Variants in FMN1 observed in about 807,000 individuals in gnomAD.
FMN1 encodes formin-1.
In FMN1, 110 loss-of-function variants were observed where a neutral mutation model predicts 132.4. The ratio of observed to expected loss-of-function variants is 0.83; its 90% CI spans 0.71 to 0.97. FMN1 has a LOEUF of 0.97. Among genes scored for constraint, FMN1 ranks in the 50% least tolerant of loss-of-function variants. The pLI, the probability that FMN1 is intolerant of heterozygous loss-of-function variation, is 0.00. For synonymous variants in FMN1, 722 were observed against 651.7 expected, an observed-to-expected ratio of 1.11 and a Z score of -1.64; for missense variants, 1,792 against 1,705.3, an observed-to-expected ratio of 1.05 and a Z score of -0.90.
At chr15:32,837,528 G>A (rs1024467284) in intron 17 of FMN1, among the ~76,000 whole-genome samples, 3 of 152,182 alleles carry the variant, frequency 2.0e-5, no homozygotes, top group Non-Finnish European at 4.4e-5. Context: ...CATGGACTGA[G>A]TCCTGAAGCC....
At chr15:32,913,902 C>G (rs1250105412) in intron 10 of FMN1, among the ~76,000 whole-genome samples, 1 of 152,090 alleles carries the variant, frequency 6.6e-6, no homozygotes, top group Non-Finnish European at 1.5e-5. Flanking sequence ...AGCTTCTTGA[C>G]AAAGAGAACA....
At chr15:33,112,135 G>T (rs147033989) in intron 4 of FMN1, among the ~76,000 whole-genome samples, 2 of 151,818 alleles carry the variant, frequency 1.3e-5, no homozygotes, top group African/African-American at 2.4e-5. Context: ...CATTTTTATT[G>T]GTTTCAACTT....
chr15:32,881,355 T>A (rs1426443244), intron 16 of FMN1, among the ~76,000 whole-genome samples: 1 of 152,248 alleles, frequency 6.6e-6, no homozygotes, highest in African/African-American at 2.4e-5. Flanking sequence ...GCTTTCTTGT[T>A]TGATTAATTC....
intron 5 of FMN1, 103 bp from the exon 6 acceptor site, chr15:33,065,177 A>C: frequency 1.5e-6 from 1 of 688,630 alleles, no homozygotes; most frequent in Non-Finnish European, 2.5e-6. Context: ...TTTAATGGCT[A>C]GTTGCACATT....
chr15:32,820,528 T>C (rs575450230), intron 17 of FMN1, among the ~76,000 whole-genome samples: 3 of 152,272 alleles, frequency 2.0e-5, no homozygotes, highest in East Asian at 3.9e-4. Context: ...CATATATATA[T>C]ATAGTTATCT....
intron 6 of FMN1, among the ~76,000 whole-genome samples, chr15:33,034,478 G>A (rs2036096897): frequency 6.6e-6 from 1 of 152,172 alleles, no homozygotes; most frequent in Admixed American, 6.5e-5. Context: ...TAAGGAAGCT[G>A]AGGCAGAAGG....
At chr15:32,801,286 C>T (rs1439075191) in intron 18 of FMN1, among the ~76,000 whole-genome samples, 1 of 152,068 alleles carries the variant, frequency 6.6e-6, no homozygotes, top group Non-Finnish European at 1.5e-5. Context: ...GTACTGCTTG[C>T]TTACTCTCCC....
At chr15:32,967,972 A>G (rs537099896) in intron 8 of FMN1, among the ~76,000 whole-genome samples, 1 of 152,376 alleles carries the variant, frequency 6.6e-6, no homozygotes, top group African/African-American at 2.4e-5. Context: ...AGGCTCAGAA[A>G]TAAGGCAGAA....
chr15:32,997,927 G>A (rs1038090992), intron 7 of FMN1, among the ~76,000 whole-genome samples: 5 of 152,122 alleles, frequency 3.3e-5, no homozygotes, highest in African/African-American at 1.2e-4. Flanking sequence ...AAAAGCTCAA[G>A]GAATTCTGCT....
intron 17 of FMN1, chr15:32,810,966 T>A: frequency 2.2e-6 from 1 of 456,220 alleles, no homozygotes; most frequent in Non-Finnish European, 4.4e-6. Flanking sequence ...ACAAAGGGAC[T>A]GCGCTCTGCT....
chr15:32,979,659 C>A (rs557849517), intron 7 of FMN1, among the ~76,000 whole-genome samples: 1 of 150,908 alleles, frequency 6.6e-6, no homozygotes, highest in South Asian at 2.1e-4. Flanking sequence ...ATTTCCAGGA[C>A]AACTGAGCTG....
chr15:33,083,983 G>A (rs900586995), intron 5 of FMN1, among the ~76,000 whole-genome samples: 1 of 152,142 alleles, frequency 6.6e-6, no homozygotes, highest in Non-Finnish European at 1.5e-5. Context: ...AAATGCCATG[G>A]TCATGTTGGG....
At chr15:32,894,090 A>T (rs1023329781) in intron 15 of FMN1, among the ~76,000 whole-genome samples, 2 of 152,138 alleles carry the variant, frequency 1.3e-5, no homozygotes, top group African/African-American at 2.4e-5. Context: ...TCATCTCCTC[A>T]TATCTAGTTC....
chr15:32,850,462 A>G (rs569586029), intron 17 of FMN1, among the ~76,000 whole-genome samples: 121 of 152,352 alleles, frequency 7.9e-4, no homozygotes, highest in Non-Finnish European at 1.5e-3. Flanking sequence ...ACAGAAATGT[A>G]TTATCGACCA....
intron 10 of FMN1, among the ~76,000 whole-genome samples, chr15:32,913,946 A>G (rs947175143): frequency 6.6e-6 from 1 of 152,186 alleles, no homozygotes; most frequent in Non-Finnish European, 1.5e-5. Flanking sequence ...GAGCCTCTAA[A>G]GGGGCACAGC....
chr15:32,861,713 C>T lies in FMN1; in HGVS notation c.3836-4606G>A, dbSNP rs77028217. Among the ~76,000 whole-genome samples, 382 of 152,262 alleles carry T rather than the reference C, an allele frequency of 2.5e-3. 11 individuals carry two copies. In the East Asian group the frequency reaches 0.046, roughly 18 times the overall value. ...CTACAGATGCTGGGCACTGTATTTACGGAAATATGCCACGGTGCAAATCTC... is the reference window on the plus strand; with the variant it reads ...CTACAGATGCTGGGCACTGTATTTATGGAAATATGCCACGGTGCAAATCTC... On this transcript the variant is annotated intron_variant, in intron 16 of 20. Transcript: ENST00000616417.
At chr15:32,997,900 A>T (rs1596435043) in intron 7 of FMN1, among the ~76,000 whole-genome samples, 1 of 152,200 alleles carries the variant, frequency 6.6e-6, no homozygotes. Context: ...CACAAATGTA[A>T]ATGTCCATAA....
intron 15 of FMN1, among the ~76,000 whole-genome samples, chr15:32,892,004 G>T (rs2060043042): frequency 6.6e-6 from 1 of 152,128 alleles, no homozygotes; most frequent in Non-Finnish European, 1.5e-5. Flanking sequence ...TCAGCAAACA[G>T]TGACAGTTTG....
intron 4 of FMN1, among the ~76,000 whole-genome samples, chr15:33,135,462 A>G (rs1963723784): frequency 6.6e-6 from 1 of 152,216 alleles, no homozygotes; most frequent in African/African-American, 2.4e-5. Flanking sequence ...TAGGGAGGAG[A>G]ATGTCTGCTC....
Sources: allele counts gnomAD v4.1 joint callset (sites outside exome capture counted in the v4.1 genomes callset), GRCh38; gene constraint gnomAD v4.1.1; transcripts MANE v1.5; gene names NCBI Gene and HGNC (gene_info 2026-07-23, HGNC 2026-07-21).